IPMK: variants seen among roughly 807,000 people sequenced by gnomAD.
IPMK encodes inositol polyphosphate multikinase.
IPMK carries 17 observed loss-of-function variants against 45.8 expected under a neutral mutation model. That is an observed-to-expected ratio of 0.37 (90% CI 0.25 to 0.56). IPMK has a LOEUF of 0.56. Among genes scored for constraint, IPMK ranks in the 20% least tolerant of loss-of-function variants. IPMK has a pLI of 0.79. For synonymous variants in IPMK, 180 were observed against 184.3 expected (o/e 0.98, Z 0.19); for missense variants, 399 against 498.0 (o/e 0.80, Z 1.89).
chr10:58,221,597 C>T (rs1838337279), intron 3 of IPMK, among the ~76,000 whole-genome samples: 1 of 152,142 alleles, frequency 6.6e-6, no homozygotes, highest in Non-Finnish European at 1.5e-5. Flanking sequence ...CTTACTCTGT[C>T]ACCCAGGATG....
intron 1 of IPMK, among the ~76,000 whole-genome samples, chr10:58,245,672 C>A (rs1382347303): frequency 6.6e-6 from 1 of 151,438 alleles, no homozygotes; most frequent in Non-Finnish European, 1.5e-5. Context: ...TAAGAGTTAT[C>A]TATGACAAAC....
chr10:58,234,454 A>T (rs12255516), intron 2 of IPMK, among the ~76,000 whole-genome samples: 51,480 of 152,026 alleles, frequency 0.34, 10,956 homozygotes, highest in African/African-American at 0.61. Context: ...ATGGTACTGG[A>T]ACCAAAACAG....
chr10:58,267,532 G>C lies in IPMK; in HGVS notation c.80C>G (p.Ser27Cys), dbSNP rs138133995. Reference protein sequence around the residue: ...PEMRTSPAIESTPEGTPQPAG... With the variant: ...PEMRTSPAIECTPEGTPQPAG... ...CGGCTGCGGGGTGCCCTCAGGGGTG[G>C]ACTCGATCGCCGGTGAGGTCCGCAT... is the stretch of plus-strand genomic sequence containing the variant. The change falls in exon 1 of 6, where the codon TCC (serine) becomes TGC (cysteine). Residue 27 changes from serine to cysteine, a missense_variant. Coordinates refer to ENST00000373935, the MANE Select transcript of IPMK (RefSeq NM_152230.5). The C allele has an allele frequency of 3.1e-6, 5 of 1,612,590 alleles. No individual in the cohort carries two copies. In the South Asian group the frequency reaches 5.5e-5, roughly 18 times the overall value.
chr10:58,237,935 T>C (rs1838638862), intron 1 of IPMK, 121 bp from the exon 2 acceptor site: 2 of 691,078 alleles, frequency 2.9e-6, no homozygotes, highest in African/African-American at 1.8e-5. Flanking sequence ...GGTTTACTTT[T>C]ACTTATTTCA....
At position 58,255,586 on chromosome 10, in the gene IPMK, G is replaced by A. The variant is rs911829687; in HGVS notation, c.190+11836C>T. On this transcript the variant is annotated intron_variant, in intron 1 of 5. Coordinates refer to ENST00000373935, the MANE Select transcript of IPMK (RefSeq NM_152230.5). Reference sequence around the variant, plus strand: ...CTAATTGTATTTTTATGAAAGCAGTGAGGTAGGGGATCTTCTATTCTGCCA... The same window carrying A: ...CTAATTGTATTTTTATGAAAGCAGTAAGGTAGGGGATCTTCTATTCTGCCA... 3.9e-5 allele frequency among the ~76,000 whole-genome samples: 6 copies of A among 152,290 alleles called. No homozygotes were observed. In the South Asian group the frequency reaches 6.2e-4, roughly 16 times the overall value.
At chr10:58,250,671 T>C (rs532877426) in intron 1 of IPMK, among the ~76,000 whole-genome samples, 1 of 152,326 alleles carries the variant, frequency 6.6e-6, no homozygotes, top group East Asian at 1.9e-4. Flanking sequence ...CTAGACTAAT[T>C]GCTCTGACTA....
At chr10:58,199,388 C>A (rs2132142433) in intron 4 of IPMK, 67 bp from the exon 5 acceptor site, 1 of 957,922 alleles carries the variant, frequency 1.0e-6, no homozygotes, top group Non-Finnish European at 1.5e-6. Flanking sequence ...ATCCCAGCCA[C>A]AAGGGTGGCT....
Position 58,196,567 on chromosome 10 carries a change from G to C in IPMK, c.760C>G (p.Leu254Val), listed in dbSNP as rs750867741. 1 of 1,614,070 alleles carries C rather than the reference G, an allele frequency of 6.2e-7. No individual in the cohort carries two copies. Among genetic ancestry groups the C allele is most frequent in the South Asian group, 1.1e-5 (1 of 91,078 alleles). Residue 254 changes from leucine (L) to valine (V), a missense_variant, in exon 6 of 6, where the codon CTC becomes GTC. Leu to Val is a conservative substitution (Grantham distance 32, BLOSUM62 1). Transcript: ENST00000373935. Reference sequence around the variant, plus strand: ...TGAGATGAACCTTCATAAACAAAGAGTAATGAACTTGCGTAAAAATTAAGC... The same window carrying C: ...TGAGATGAACCTTCATAAACAAAGACTAATGAACTTGCGTAAAAATTAAGC... ...KQLNFYASSL[L>V]FVYEGSSQPT...
chr10:58,267,647 G>A lies in IPMK; in HGVS notation c.-36C>T. 2.0e-6 allele frequency: 3 copies of A among 1,477,300 alleles called. No individual in the cohort carries two copies. Among genetic ancestry groups the A allele is most frequent in the Non-Finnish European group, 9.2e-7 (1 of 1,082,126 alleles). The allele number at this position is 1,477,300 out of a possible 1,614,324, so 91.5% of individuals were successfully genotyped here. Reference sequence around the variant, plus strand: ...AGAAGCGGTAACGGCAGCGAGAGTAGGAAAAAAAATAGGGCGAGGGAGGGG... The same window carrying A: ...AGAAGCGGTAACGGCAGCGAGAGTAAGAAAAAAAATAGGGCGAGGGAGGGG... On this transcript the variant is annotated 5_prime_UTR_variant, in exon 1 of 6. Transcript: ENST00000373935.
chr10:58,210,943 G>A (rs986814565), intron 4 of IPMK, among the ~76,000 whole-genome samples: 2 of 152,160 alleles, frequency 1.3e-5, no homozygotes, highest in African/African-American at 4.8e-5. Context: ...CATCCACGTG[G>A]AAGATGCACA....
chr10:58,236,145 G>A (rs1483792727), intron 2 of IPMK, among the ~76,000 whole-genome samples: 1 of 151,516 alleles, frequency 6.6e-6, no homozygotes, highest in Non-Finnish European at 1.5e-5. Context: ...TGACCAGGCT[G>A]ATCTTGAACT....
intron 1 of IPMK, among the ~76,000 whole-genome samples, chr10:58,263,368 A>G (rs1442493439): frequency 2.0e-5 from 3 of 152,138 alleles, no homozygotes; most frequent in Non-Finnish European, 4.4e-5. Context: ...TACTAAAAAT[A>G]CAAAAATTAG....
At chr10:58,237,620 T>G in intron 2 of IPMK, 109 bp downstream of exon 2, 2 of 783,858 alleles carry the variant, frequency 2.6e-6, no homozygotes. Context: ...TTGTTTCCGT[T>G]ACATACACAC....
chr10:58,202,615 T>C (rs1261462945), intron 4 of IPMK, among the ~76,000 whole-genome samples: 5 of 152,110 alleles, frequency 3.3e-5, no homozygotes, highest in Non-Finnish European at 7.4e-5. Context: ...CAGTGAGCTA[T>C]GATTATGCCA....
chr10:58,208,051 C>T (rs1158000065), intron 4 of IPMK, among the ~76,000 whole-genome samples: 1 of 152,156 alleles, frequency 6.6e-6, no homozygotes, highest in Non-Finnish European at 1.5e-5. Flanking sequence ...CGCCATTCTC[C>T]TGCCTCAGCC....
chr10:58,259,809 G>A (rs61873886), intron 1 of IPMK, among the ~76,000 whole-genome samples: 1 of 151,842 alleles, frequency 6.6e-6, no homozygotes, highest in East Asian at 1.9e-4. Context: ...CACTGCACTC[G>A]AGCCTGGGTA....
chr10:58,197,052 G>A (rs536410951), intron 5 of IPMK, among the ~76,000 whole-genome samples: 1 of 152,246 alleles, frequency 6.6e-6, no homozygotes, highest in East Asian at 1.9e-4. Flanking sequence ...TGTAATCCCA[G>A]CACTTTGGGA....
chr10:58,229,239 G>C (rs530504552), intron 2 of IPMK, among the ~76,000 whole-genome samples: 9 of 151,946 alleles, frequency 5.9e-5, no homozygotes, highest in Non-Finnish European at 8.8e-5. Flanking sequence ...GAAAAGCTTT[G>C]TCAAGAGGGC....
At chr10:58,225,597 A>T (rs890782153) in intron 3 of IPMK, among the ~76,000 whole-genome samples, 1 of 152,150 alleles carries the variant, frequency 6.6e-6, no homozygotes, top group Non-Finnish European at 1.5e-5. Flanking sequence ...TTTGCTAGTT[A>T]TTCTACTCTT....
Sources: allele counts gnomAD v4.1 joint callset (sites outside exome capture counted in the v4.1 genomes callset), GRCh38; gene constraint gnomAD v4.1.1; transcripts MANE v1.5; gene names NCBI Gene and HGNC (gene_info 2026-07-23, HGNC 2026-07-21).